DYM: variants seen among roughly 807,000 people sequenced by gnomAD.
The protein encoded by DYM is dyggve-Melchior-Clausen syndrome protein.
A neutral mutation model predicts 93.1 loss-of-function variants in DYM; 78 were observed. That is an observed-to-expected ratio of 0.84 (90% confidence interval 0.70 to 1.01). The LOEUF (loss-of-function observed/expected upper bound fraction) is 1.01. Ranked by LOEUF, DYM falls within the 50% of genes least tolerant of loss-of-function variation. The pLI is 0.00. For synonymous variants in DYM, 321 were observed against 319.7 expected (o/e 1.00, Z -0.04); for missense variants, 789 against 845.0 (o/e 0.93, Z 0.82).
intron 13 of DYM, among the ~76,000 whole-genome samples, chr18:49,236,054 T>A (rs1392454108): frequency 6.6e-6 from 1 of 152,228 alleles, no homozygotes; most frequent in African/African-American, 2.4e-5. Flanking sequence ...TGGAATGTCC[T>A]ATTCACATTA....
At chr18:49,081,182 A>G (rs2077970690) in intron 17 of DYM, among the ~76,000 whole-genome samples, 2 of 150,012 alleles carry the variant, frequency 1.3e-5, no homozygotes, top group Admixed American at 6.6e-5. Context: ...TAGCGAGCTG[A>G]GATCACGCCA....
At chr18:49,048,078 T>A (rs2071871642) in intron 17 of DYM, 1 of 152,264 alleles carries the variant, frequency 6.6e-6, no homozygotes, top group Non-Finnish European at 1.5e-5. Flanking sequence ...AAAAGTGACA[T>A]CAGAGTTCTG....
At chr18:49,441,300 T>TATATA (rs2081570943) in intron 1 of DYM, among the ~76,000 whole-genome samples, 1 of 41,768 alleles carries the variant, frequency 2.4e-5, no homozygotes, top group Non-Finnish European at 3.8e-5. Flanking sequence ...ATAATATAAT[T>TATATA]ATATATAATT....
intron 17 of DYM, among the ~76,000 whole-genome samples, chr18:49,073,427 C>T (rs1343094995): frequency 2.0e-5 from 3 of 152,024 alleles, no homozygotes; most frequent in Non-Finnish European, 4.4e-5. Context: ...GCTTAGAAAA[C>T]ACAAACAATA....
intron 17 of DYM, among the ~76,000 whole-genome samples, chr18:49,063,514 C>T (rs2076154385): frequency 6.6e-6 from 1 of 151,744 alleles, no homozygotes; most frequent in African/African-American, 2.4e-5. Context: ...CAGCCACAAC[C>T]ATACAACAAG....
At chr18:49,126,199 G>A (rs572640296) in intron 15 of DYM, 1 of 152,222 alleles carries the variant, frequency 6.6e-6, no homozygotes, top group South Asian at 2.1e-4. Flanking sequence ...GTCGTTTCCT[G>A]GAAACCATGC....
chr18:49,156,253 A>C (rs957614266), intron 15 of DYM, among the ~76,000 whole-genome samples: 3 of 152,150 alleles, frequency 2.0e-5, no homozygotes, highest in Non-Finnish European at 4.4e-5. Flanking sequence ...TTTTATTGCT[A>C]ACTTGCATCA....
chr18:49,040,708 T>C lies in DYM; in HGVS notation c.*3347A>G, dbSNP rs1225835654. ...AATTAAGAGACCCAAAGGGTTGACCTTGCAGAGACTCCAGCCTATGAAGTA... is the reference window on the plus strand; with the variant it reads ...AATTAAGAGACCCAAAGGGTTGACCCTGCAGAGACTCCAGCCTATGAAGTA... On this transcript the variant is annotated 3_prime_UTR_variant, in exon 18 of 18. Transcript: ENST00000675505. Among the ~76,000 whole-genome samples, 2 of 152,168 alleles carry C rather than the reference T, an allele frequency of 1.3e-5. No homozygotes were observed. The highest frequency in any genetic ancestry group is 2.9e-5 in the Non-Finnish European group (2 of 68,040).
chr18:49,150,273 T>G (rs1247430314), intron 15 of DYM, among the ~76,000 whole-genome samples: 4 of 152,190 alleles, frequency 2.6e-5, no homozygotes, highest in Non-Finnish European at 5.9e-5. Flanking sequence ...TAGGCTTTGT[T>G]ATGGACTGAA....
chr18:49,281,503 C>T (rs1040713634), intron 10 of DYM, among the ~76,000 whole-genome samples: 25 of 152,186 alleles, frequency 1.6e-4, no homozygotes, highest in Admixed American at 1.4e-3. Context: ...CACATGCACA[C>T]GCATGTTTAT....
chr18:49,272,233 A>T lies in DYM; in HGVS notation c.1196T>A (p.Ile399Lys). The change falls in exon 11 of 18, where the codon ATA (isoleucine) becomes AAA (lysine). Residue 399 changes from isoleucine to lysine, a missense_variant. By Grantham distance (102) the Ile-to-Lys change is moderately radical. Transcript: ENST00000675505. Reference sequence around the variant, plus strand: ...ATCTTCCGTAAGGATCAACAATATTATAAGGGCCATATACACATGGTGTGA... The same window carrying T: ...ATCTTCCGTAAGGATCAACAATATTTTAAGGGCCATATACACATGGTGTGA... The part of the protein sequence containing the change: ...RNSHHVYMAL[I>K]ILLILTEDDG... 6.2e-7 allele frequency: 1 copy of T among 1,604,208 alleles called. No homozygotes were observed. Among genetic ancestry groups the T allele is most frequent in the Non-Finnish European group, 8.5e-7 (1 of 1,171,206 alleles).
chr18:49,237,184 G>A (rs1446022302), intron 13 of DYM, among the ~76,000 whole-genome samples: 2 of 152,102 alleles, frequency 1.3e-5, no homozygotes, highest in African/African-American at 2.4e-5. Context: ...AAGAAATGGA[G>A]GTGGGTCTCC....
intron 17 of DYM, among the ~76,000 whole-genome samples, chr18:49,090,747 A>C (rs2145405006): frequency 6.6e-6 from 1 of 152,354 alleles, no homozygotes; most frequent in East Asian, 1.9e-4. Flanking sequence ...ATCACTGGAA[A>C]AATTTATCCT....
intron 14 of DYM, among the ~76,000 whole-genome samples, chr18:49,176,852 A>G (rs989638943): frequency 3.3e-5 from 5 of 152,178 alleles, no homozygotes; most frequent in African/African-American, 1.2e-4. Flanking sequence ...AAATGTATAT[A>G]TCCTTTATAA....
intron 14 of DYM, among the ~76,000 whole-genome samples, chr18:49,174,774 C>T (rs920811779): frequency 3.3e-5 from 5 of 152,100 alleles, no homozygotes; most frequent in Non-Finnish European, 7.4e-5. Context: ...TATGGTCACG[C>T]TTAGCTTCAC....
At chr18:49,187,156 T>C (rs2090523625) in intron 14 of DYM, among the ~76,000 whole-genome samples, 1 of 152,168 alleles carries the variant, frequency 6.6e-6, no homozygotes, top group Admixed American at 6.5e-5. Context: ...CCTGACCTCA[T>C]GATCGCCCGC....
chr18:49,217,598 G>T (rs936963490), intron 13 of DYM, among the ~76,000 whole-genome samples: 22 of 152,256 alleles, frequency 1.4e-4, no homozygotes, highest in East Asian at 1.4e-3. Flanking sequence ...GGGGACAATA[G>T]TCAACATTCT....
chr18:49,209,526 T>C (rs541800602), intron 14 of DYM, 25 bp downstream of exon 14: 5 of 1,280,940 alleles, frequency 3.9e-6, no homozygotes, highest in Non-Finnish European at 5.1e-6. Context: ...CAGCATGCAG[T>C]AAATGGACAG....
intron 11 of DYM, among the ~76,000 whole-genome samples, chr18:49,271,472 C>A (rs1275584200): frequency 6.6e-6 from 1 of 151,902 alleles, no homozygotes; most frequent in Non-Finnish European, 1.5e-5. Context: ...CATCTTAGGG[C>A]GATAATAGTT....
Sources: gnomAD v4.1 joint callset for allele counts (sites outside exome capture counted in the v4.1 genomes callset) on GRCh38, gnomAD v4.1.1 for gene constraint, MANE v1.5 for transcripts, NCBI Gene and HGNC (gene_info 2026-07-23, HGNC 2026-07-21) for gene names.